The following CADM2 variants were observed in gnomAD, a reference collection of about 807,000 sequenced individuals.
CADM2 encodes the protein cell adhesion molecule 2, also known as immunoglobulin superfamily member 4D.
A neutral mutation model predicts 49.8 loss-of-function variants in CADM2; 12 were observed. That is an observed-to-expected ratio of 0.24 (90% CI 0.15 to 0.39). The LOEUF (loss-of-function observed/expected upper bound fraction) is 0.39, where lower values mean the gene tolerates loss of function less well. CADM2 is among the 10% of genes least tolerant of loss of function. The probability of loss-of-function intolerance (pLI) is 1.00; values close to 1 mark genes in which losing one functional copy is unlikely to be tolerated. For synonymous variants in CADM2, 214 were observed against 175.4 expected (o/e 1.22, Z -1.74); for missense variants, 378 against 492.3 (o/e 0.77, Z 2.20).
intron 1 of CADM2, among the ~76,000 whole-genome samples, chr3:85,473,974 TTC>T (rs1247607685): frequency 7.9e-5 from 12 of 152,036 alleles, no homozygotes; most frequent in African/African-American, 2.4e-4. Context: ...ATTAAATATA[TTC>T]TCTTTCTTGC....
At chr3:85,558,635 C>G (rs1269539526) in intron 1 of CADM2, among the ~76,000 whole-genome samples, 3 of 151,946 alleles carry the variant, frequency 2.0e-5, no homozygotes, top group Admixed American at 6.6e-5. Context: ...AATCTTAGGA[C>G]TATTTGTTAA....
intron 1 of CADM2, among the ~76,000 whole-genome samples, chr3:85,538,865 G>A (rs1165114688): frequency 6.6e-6 from 1 of 151,766 alleles, no homozygotes; most frequent in Non-Finnish European, 1.5e-5. Context: ...TGACCTTTAA[G>A]GACTATAATA....
intron 8 of CADM2, chr3:86,012,554 G>A: frequency 6.7e-7 from 1 of 1,495,400 alleles, no homozygotes; most frequent in South Asian, 1.3e-5. Flanking sequence ...CCAGCGGGCG[G>A]GCGAAGATGC....
intron 3 of CADM2, among the ~76,000 whole-genome samples, chr3:85,825,838 T>C (rs2108207537): frequency 6.6e-6 from 1 of 152,176 alleles, no homozygotes; most frequent in Admixed American, 6.6e-5. Flanking sequence ...TCTGAGATTT[T>C]AGTACCTGTC....
At chr3:85,657,729 G>GATATATATATATACACAGATAT (rs889894743) in intron 1 of CADM2, among the ~76,000 whole-genome samples, 2 of 99,602 alleles carry the variant, frequency 2.0e-5, no homozygotes, top group Admixed American at 9.8e-5. Flanking sequence ...TATATATACA[G>GATATATATATATACACAGATAT]ATATATATAT....
intron 1 of CADM2, among the ~76,000 whole-genome samples, chr3:85,000,233 A>T (rs961158478): frequency 3.3e-5 from 5 of 149,382 alleles, no homozygotes; most frequent in Non-Finnish European, 5.9e-5. Flanking sequence ...CCTACCTTAC[A>T]CTCTAGAGTA....
intron 2 of CADM2, among the ~76,000 whole-genome samples, chr3:85,795,984 T>C (rs1289616264): frequency 1.3e-5 from 2 of 152,176 alleles, no homozygotes; most frequent in Non-Finnish European, 2.9e-5. Flanking sequence ...ATCTGTGAAA[T>C]GAGAAGGATG....
intron 1 of CADM2, among the ~76,000 whole-genome samples, chr3:85,151,162 G>C (rs931743670): frequency 1.3e-5 from 2 of 151,996 alleles, no homozygotes; most frequent in Non-Finnish European, 2.9e-5. Flanking sequence ...GATCAATGTT[G>C]CCTTTGATTT....
At chr3:85,415,471 A>G (rs1428833753) in intron 1 of CADM2, among the ~76,000 whole-genome samples, 1 of 151,434 alleles carries the variant, frequency 6.6e-6, no homozygotes, top group African/African-American at 2.4e-5. Context: ...AAAAGATCTA[A>G]GTAAACCGTT....
At chr3:85,179,275 T>C (rs2040863628) in intron 1 of CADM2, among the ~76,000 whole-genome samples, 1 of 152,008 alleles carries the variant, frequency 6.6e-6, no homozygotes, top group African/African-American at 2.4e-5. Context: ...CCTTTCTAGA[T>C]GGTGCTTCCA....
At chr3:85,197,331 AC>A (rs1488935866) in intron 1 of CADM2, among the ~76,000 whole-genome samples, 4 of 151,924 alleles carry the variant, frequency 2.6e-5, no homozygotes, top group African/African-American at 7.2e-5. Context: ...TAACCTCACT[AC>A]ATAGTTTCCA....
intron 3 of CADM2, among the ~76,000 whole-genome samples, chr3:85,849,299 A>G (rs972473308): frequency 6.6e-6 from 1 of 152,254 alleles, no homozygotes; most frequent in Non-Finnish European, 1.5e-5. Flanking sequence ...TGTTTCAACA[A>G]TAATAACCTC....
intron 3 of CADM2, among the ~76,000 whole-genome samples, chr3:85,868,738 G>C (rs1411084756): frequency 6.6e-6 from 1 of 152,042 alleles, no homozygotes; most frequent in Non-Finnish European, 1.5e-5. Flanking sequence ...AATAATTTGT[G>C]TTTGTGTGTA....
intron 3 of CADM2, among the ~76,000 whole-genome samples, chr3:85,845,767 A>G (rs1467851145): frequency 1.3e-5 from 2 of 152,162 alleles, no homozygotes; most frequent in Admixed American, 1.3e-4. Flanking sequence ...ATACTACAAC[A>G]CTATATGTAA....
chr3:85,763,291 T>C (rs1315405768), intron 2 of CADM2, among the ~76,000 whole-genome samples: 1 of 152,202 alleles, frequency 6.6e-6, no homozygotes, highest in Non-Finnish European at 1.5e-5. Context: ...TAACTTCTCA[T>C]AATACAGGTT....
At chr3:85,253,784 A>G (rs1046643202) in intron 1 of CADM2, among the ~76,000 whole-genome samples, 1 of 152,096 alleles carries the variant, frequency 6.6e-6, no homozygotes, top group Non-Finnish European at 1.5e-5. Flanking sequence ...CAAGAAGCAG[A>G]CTGGATAATT....
intron 1 of CADM2, among the ~76,000 whole-genome samples, chr3:85,579,194 A>G (rs892055282): frequency 6.6e-6 from 1 of 152,232 alleles, no homozygotes; most frequent in Non-Finnish European, 1.5e-5. Context: ...AACTTAATTT[A>G]TAATTTTTAA....
At chr3:84,986,375 T>A (rs897641655) in intron 1 of CADM2, among the ~76,000 whole-genome samples, 2 of 152,076 alleles carry the variant, frequency 1.3e-5, no homozygotes, top group Non-Finnish European at 2.9e-5. Flanking sequence ...TGCAGAGCAA[T>A]TGCCTCACTC....
At chr3:85,837,114 A>C (rs984899843) in intron 3 of CADM2, among the ~76,000 whole-genome samples, 1 of 151,624 alleles carries the variant, frequency 6.6e-6, no homozygotes, top group African/African-American at 2.4e-5. Flanking sequence ...AGGAATGTGT[A>C]CAAGTCATGT....
Sources: allele counts gnomAD v4.1 joint callset (sites outside exome capture counted in the v4.1 genomes callset), GRCh38; gene constraint gnomAD v4.1.1; transcripts MANE v1.5; gene names NCBI Gene and HGNC (gene_info 2026-07-23, HGNC 2026-07-21).